The following MRPS18B variants were observed in gnomAD, a reference collection of about 807,000 sequenced individuals.
MRPS18B encodes mitochondrial ribosomal protein S18B, also known as small ribosomal subunit protein mS40.
Under a neutral mutation model 28.4 loss-of-function variants are expected in MRPS18B, and 27 were observed. That is an observed-to-expected ratio of 0.95 (90% CI 0.70 to 1.31). The LOEUF (loss-of-function observed/expected upper bound fraction) is 1.31, where lower values mean the gene tolerates loss of function less well. Ranked by LOEUF, MRPS18B falls within the 40% of genes most tolerant of loss-of-function variation. The pLI is 0.00. For missense variants in MRPS18B, 343 were observed against 335.9 expected (o/e 1.02, Z -0.17); for synonymous variants, 118 against 123.7 (o/e 0.95, Z 0.30).
rs896150917 is a variant in MRPS18B, at chr6:30,617,897, G to A, written c.32G>A (p.Arg11Lys). Reference protein sequence around the residue: MAASVLNTVLRRLPMLSLFRG... With the variant: MAASVLNTVLKRLPMLSLFRG... Reference sequence around the variant, plus strand: ...GCGTCTGTATTAAACACCGTGCTGAGGCGGCTTCCTATGCTATCTCTCTTC... The same window carrying A: ...GCGTCTGTATTAAACACCGTGCTGAAGCGGCTTCCTATGCTATCTCTCTTC... Residue 11 changes from arginine (R) to lysine (K), a missense_variant, in exon 1 of 7, where the codon AGG (arginine) becomes AAG (lysine). Transcript: ENST00000259873. The A allele has an allele frequency of 1.9e-6, 3 of 1,614,050 alleles. No individual in the cohort carries two copies. The Admixed American group carries it at 5.0e-5, about 27-fold the overall frequency.
At chr6:30,619,331 A>G (rs944960119) in intron 1 of MRPS18B, among the ~76,000 whole-genome samples, 162 bp from the exon 2 acceptor site, 1 of 152,192 alleles carries the variant, frequency 6.6e-6, no homozygotes, top group African/African-American at 2.4e-5. Context: ...TTGTTGATTT[A>G]TGTCAATTTA....
intron 1 of MRPS18B, chr6:30,618,432 A>T (rs1760890715): frequency 6.0e-6 from 1 of 167,210 alleles, no homozygotes; most frequent in South Asian, 1.2e-4. Context: ...CAATAAGGTC[A>T]GGATATATTC....
Position 30,626,015 on chromosome 6 carries a change from C to G in MRPS18B, c.*218C>G. The G allele has an allele frequency of 2.0e-6, 1 of 512,074 alleles. No individual in the cohort carries two copies. Among genetic ancestry groups the G allele is most frequent in the Non-Finnish European group, 3.4e-6 (1 of 293,834 alleles). The allele number at this position is 512,074 out of a possible 1,614,324, so 31.7% of individuals were successfully genotyped here. A position where few individuals can be genotyped will look rare whatever the true frequency, so the allele number is the denominator to read the frequency against. On this transcript the variant is annotated 3_prime_UTR_variant, in exon 7 of 7. Transcript: ENST00000259873. ...TATTGGGGAGGCTAAGGTAGGATCACTTGATCCCAGGAGGCGGAGGTTGCA... is the reference window on the plus strand; with the variant it reads ...TATTGGGGAGGCTAAGGTAGGATCAGTTGATCCCAGGAGGCGGAGGTTGCA...
At position 30,622,834 on chromosome 6, in the gene MRPS18B, C is replaced by T. The variant is rs968037340; in HGVS notation, c.357C>T (p.Asn119=). The T allele has an allele frequency of 2.5e-6, 4 of 1,612,886 alleles. No homozygotes were observed. The highest frequency in any genetic ancestry group is 1.7e-5 in the Admixed American group (1 of 59,992). ...TTCTCTACCACTTTCCCCCACAGAA[C>T]GTGAAGCTCTTGGAGCAATTTGTCT... ...RDHKLHVDFR[N]VKLLEQFVCA... Residue 119 remains asparagine (N), a splice_region_variant and synonymous_variant, in exon 5 of 7, where the codon AAC becomes AAT. Coordinates refer to ENST00000259873, the MANE Select transcript of MRPS18B (RefSeq NM_014046.4).
In MRPS18B at chr6:30,625,614, C is replaced by G; in HGVS notation, c.594C>G (p.Pro198=). The G allele has an allele frequency of 2.5e-6, 4 of 1,613,086 alleles. No individual in the cohort carries two copies. Among genetic ancestry groups the G allele is most frequent in the Non-Finnish European group, 3.4e-6 (4 of 1,180,024 alleles). ...CCCCCACCCTGGTCTCAGGTGACCC[C>G]TGGTACCCATGGTACAACTGGAAAC... ...PPAPTLVSGD[P]WYPWYNWKQP... Residue 198 remains proline, a synonymous_variant, in exon 7 of 7, where the codon CCC becomes CCG. Coordinates refer to ENST00000259873, the MANE Select transcript of MRPS18B (RefSeq NM_014046.4).
intron 1 of MRPS18B, among the ~76,000 whole-genome samples, chr6:30,618,172 A>G (rs917848769): frequency 6.6e-6 from 1 of 151,824 alleles, no homozygotes; most frequent in Admixed American, 6.6e-5. Flanking sequence ...CATTTCAGTA[A>G]AATAACTTAA....
At chr6:30,620,681 C>T (rs568191241) in intron 4 of MRPS18B, among the ~76,000 whole-genome samples, 42 of 152,120 alleles carry the variant, frequency 2.8e-4, no homozygotes, top group African/African-American at 4.6e-4. Flanking sequence ...GCGATTCTCC[C>T]GCCTCAGCCT....
At position 30,626,086 on chromosome 6, in the gene MRPS18B, G is replaced by C; in HGVS notation, c.*289G>C. Reference sequence around the variant, plus strand: ...TGCACTCCAGCCTGGGTGACAGCTAGACCCTGTCTCAAAAAAAAAAAAAAA... The same window carrying C: ...TGCACTCCAGCCTGGGTGACAGCTACACCCTGTCTCAAAAAAAAAAAAAAA... On this transcript the variant is annotated 3_prime_UTR_variant, in exon 7 of 7. Coordinates refer to ENST00000259873, the MANE Select transcript of MRPS18B (RefSeq NM_014046.4). The C allele has an allele frequency of 6.1e-6, 2 of 329,830 alleles. No homozygotes were observed. Among genetic ancestry groups the C allele is most frequent in the Non-Finnish European group, 5.4e-6 (1 of 185,090 alleles). 20.4% of individuals were successfully genotyped at this position (329,830 alleles called of 1,614,324 possible). A position where few individuals can be genotyped will look rare whatever the true frequency, so the allele number is the denominator to read the frequency against.
intron 4 of MRPS18B, 110 bp downstream of exon 4, chr6:30,620,099 T>G (rs1182472701): frequency 9.0e-6 from 9 of 999,110 alleles, no homozygotes; most frequent in South Asian, 2.7e-5. Context: ...AGGTGGATCA[T>G]GAGGTCAGGA....
chr6:30,618,074 G>C, intron 1 of MRPS18B, 131 bp downstream of exon 1: 2 of 859,968 alleles, frequency 2.3e-6, no homozygotes, highest in Non-Finnish European at 3.6e-6. Flanking sequence ...AGTACTTCCT[G>C]CAACCCCCCC....
chr6:30,622,796 CTT>C (rs771227430), intron 4 of MRPS18B, 34 bp from the exon 5 acceptor site: 1 of 1,604,866 alleles, frequency 6.2e-7, no homozygotes, highest in Non-Finnish European at 8.5e-7. Flanking sequence ...CTCCCTGCCT[CTT>C]TTCCTCACGT....
Position 30,619,923 on chromosome 6 carries a change from T to A in MRPS18B, c.288T>A (p.Arg96=), listed in dbSNP as rs115237884. ...TGCTGTTTTTTTTCTCTCTACAGCG[T>A]CGGAATAAAGTTGTTGGGAATCCCT... is the stretch of plus-strand genomic sequence containing the variant. ...PPQRTRKTCI[R]RNKVVGNPCP... The change falls in exon 4 of 7, where the codon CGT becomes CGA. Residue 96 remains arginine (R), a splice_region_variant and synonymous_variant. Coordinates refer to ENST00000259873, the MANE Select transcript of MRPS18B (RefSeq NM_014046.4). 3.5e-4 allele frequency: 561 copies of A among 1,614,108 alleles called. 2 individuals carry two copies. In the African/African-American group the frequency reaches 6.1e-3, roughly 17 times the overall value.
At chr6:30,624,741 CTG>C (rs1761377221) in intron 5 of MRPS18B, 140 bp from the exon 6 acceptor site, 2 of 767,386 alleles carry the variant, frequency 2.6e-6, no homozygotes, top group South Asian at 2.1e-5. Context: ...GATGGGGAAA[CTG>C]AGGTCCATGG....
chr6:30,618,072 C>T, intron 1 of MRPS18B, 129 bp downstream of exon 1: 1 of 913,646 alleles, frequency 1.1e-6, no homozygotes, highest in South Asian at 1.5e-5. Context: ...GCAGTACTTC[C>T]TGCAACCCCC....
intron 4 of MRPS18B, among the ~76,000 whole-genome samples, chr6:30,622,156 C>T (rs1761195997): frequency 6.6e-6 from 1 of 152,014 alleles, no homozygotes; most frequent in African/African-American, 2.4e-5. Context: ...ATTCAGCATA[C>T]TATTAAATAC....
Position 30,619,945 on chromosome 6 carries a change from C to T in MRPS18B, c.310C>T (p.Pro104Ser), listed in dbSNP as rs1761043015. ...CIRRNKVVGN[P>S]CPICRDHKLH... ...GCGTCGGAATAAAGTTGTTGGGAATCCCTGCCCCATCTGTCGAGATCACAA... is the reference window on the plus strand; with the variant it reads ...GCGTCGGAATAAAGTTGTTGGGAATTCCTGCCCCATCTGTCGAGATCACAA... The change falls in exon 4 of 7, where the codon CCC becomes TCC. Residue 104 changes from proline (P) to serine (S), a missense_variant. By Grantham distance (74) the Pro-to-Ser change is moderately conservative (BLOSUM62 -1). Transcript: ENST00000259873. 1 of 1,614,026 alleles carries T rather than the reference C, an allele frequency of 6.2e-7. No individual in the cohort carries two copies. The highest frequency in any genetic ancestry group is 1.3e-5 in the African/African-American group (1 of 74,906).
At position 30,625,689 on chromosome 6, in the gene MRPS18B, TCTC is replaced by T; in HGVS notation, c.671_673del (p.Leu224del). ...GCCTTCGCCGGCTTTACCAGGGTCA[TCTC>T]CAAGAAGAGAGTGGCCCCCCACCTG... On this transcript the variant is annotated inframe_deletion, in exon 7 of 7. Coordinates refer to ENST00000259873, the MANE Select transcript of MRPS18B (RefSeq NM_014046.4). The T allele has an allele frequency of 3.7e-6, 6 of 1,612,966 alleles. No individual in the cohort carries two copies. Among genetic ancestry groups the T allele is most frequent in the Non-Finnish European group, 5.1e-6 (6 of 1,179,996 alleles).
intron 6 of MRPS18B, 92 bp downstream of exon 6, chr6:30,625,034 C>G: frequency 7.2e-7 from 1 of 1,380,576 alleles, no homozygotes; most frequent in Non-Finnish European, 1.0e-6. Context: ...CACACCTGTT[C>G]AAGATGGTAG....
rs144768627 is a variant in MRPS18B at position 30,619,738 on chromosome 6, G to A, written c.217G>A (p.Val73Ile). The A allele has an allele frequency of 6.4e-5, 104 of 1,614,218 alleles. No homozygotes were observed. The highest frequency in any genetic ancestry group is 5.7e-4 in the South Asian group (52 of 91,090). The change falls in exon 3 of 7, where the codon GTC becomes ATC. Residue 73 changes from valine to isoleucine, a missense_variant. Transcript: ENST00000259873. ...CCAGGAGCGATATGGTTCTCGCCCC[G>A]TCTGGGCTGACTACCGCCGCAACCA... The part of the protein sequence containing the change: ...EYQERYGSRP[V>I]WADYRRNHKG...
Sources: allele counts gnomAD v4.1 joint callset (sites outside exome capture counted in the v4.1 genomes callset), GRCh38; gene constraint gnomAD v4.1.1; transcripts MANE v1.5; gene names NCBI Gene and HGNC (gene_info 2026-07-23, HGNC 2026-07-21).